The following SYBU variants were observed in gnomAD, a reference collection of about 807,000 sequenced individuals.
The protein encoded by SYBU is syntabulin, also known as GOLSYN A protein.
A neutral mutation model predicts 35.9 loss-of-function variants in SYBU; 21 were observed. The observed-to-expected ratio is 0.58, with a 90% CI of 0.41 to 0.84. The LOEUF (loss-of-function observed/expected upper bound fraction) is 0.84, where lower values mean the gene tolerates loss of function less well. SYBU is among the 40% of genes least tolerant of loss of function. The pLI is 0.00. For missense variants in SYBU, 768 were observed against 848.2 expected (o/e 0.91, Z 1.17); for synonymous variants, 319 against 324.3 (o/e 0.98, Z 0.18).
At chr8:109,661,887 C>T (rs1816576038) in intron 1 of SYBU, among the ~76,000 whole-genome samples, 1 of 152,178 alleles carries the variant, frequency 6.6e-6, no homozygotes, top group Admixed American at 6.5e-5. Flanking sequence ...TTCTGTACCT[C>T]TGTTAGGTTC....
Position 109,579,834 on chromosome 8 carries a change from G to C in SYBU, c.699C>G (p.Gly233=). 1 of 1,613,688 alleles carries C rather than the reference G, an allele frequency of 6.2e-7. No individual in the cohort carries two copies. Among genetic ancestry groups the C allele is most frequent in the Non-Finnish European group, 8.5e-7 (1 of 1,179,740 alleles). Residue 233 remains glycine, a synonymous_variant, in exon 5 of 7, where the codon GGC becomes GGG. Coordinates refer to ENST00000276646, the MANE Select transcript of SYBU (RefSeq NM_001099754.2). ...APSSPSSSNS[G]SYKGSDCSPI... ...GGCTACAGTCGCTTCCTTTGTAGGAGCCTGAGTTGCTACTGCTTGGGGAAG... is the reference window on the plus strand; with the variant it reads ...GGCTACAGTCGCTTCCTTTGTAGGACCCTGAGTTGCTACTGCTTGGGGAAG...
chr8:109,658,954 TA>T (rs34987559), intron 1 of SYBU, among the ~76,000 whole-genome samples: 13,531 of 145,626 alleles, frequency 0.093, 861 homozygotes, highest in East Asian at 0.32. Flanking sequence ...AGACTCTGCC[TA>T]AAAAAAAAAA....
chr8:109,597,942 G>C (rs998447980), intron 3 of SYBU, among the ~76,000 whole-genome samples: 2 of 152,220 alleles, frequency 1.3e-5, no homozygotes, highest in Admixed American at 1.3e-4. Flanking sequence ...ATGTTTCCCA[G>C]GTGGTGCTGA....
At chr8:109,678,232 AC>A (rs1369157213) in intron 1 of SYBU, among the ~76,000 whole-genome samples, 2 of 151,178 alleles carry the variant, frequency 1.3e-5, no homozygotes, top group African/African-American at 2.4e-5. Flanking sequence ...TTTAAAGTTT[AC>A]TTTTCCAGAG....
chr8:109,691,399 C>T lies in SYBU; in HGVS notation c.-124G>A. On this transcript the variant is annotated 5_prime_UTR_variant, in exon 1 of 8. Coordinates refer to the SYBU transcript ENST00000422135. This position sits in a 1 kb window ranked among gnomAD's most constrained non-coding sequence, Gnocchi z 4.7. ...AGGCACCTACGTGCGCCCGGGAGACCGGGCCCCGGCTGGGCCGGGTGCCGG... is the reference window on the plus strand; with the variant it reads ...AGGCACCTACGTGCGCCCGGGAGACTGGGCCCCGGCTGGGCCGGGTGCCGG... 1 of 689,904 alleles carries T rather than the reference C, an allele frequency of 1.4e-6. No homozygotes were observed. The highest frequency in any genetic ancestry group is 2.6e-6 in the Non-Finnish European group (1 of 379,762). The allele number at this position is 689,904 out of a possible 1,614,324, so 42.7% of individuals were successfully genotyped here.
chr8:109,589,649 C>A (rs1586755384), intron 3 of SYBU, among the ~76,000 whole-genome samples: 1 of 152,070 alleles, frequency 6.6e-6, no homozygotes, highest in Admixed American at 6.5e-5. Flanking sequence ...TTATTTATAA[C>A]GTTAGGATAA....
chr8:109,638,072 C>G (rs1362855297), intron 2 of SYBU, among the ~76,000 whole-genome samples: 1 of 152,208 alleles, frequency 6.6e-6, no homozygotes, highest in Non-Finnish European at 1.5e-5. Context: ...ATGAAAATAA[C>G]TCAGATAAAT....
At chr8:109,614,353 T>C (rs1811504653) in intron 3 of SYBU, among the ~76,000 whole-genome samples, 1 of 152,248 alleles carries the variant, frequency 6.6e-6, no homozygotes, top group African/African-American at 2.4e-5. Flanking sequence ...CTTTCATTTC[T>C]GGGTAGAAAC....
At chr8:109,654,535 T>C (rs1489297432) in intron 1 of SYBU, among the ~76,000 whole-genome samples, 4 of 152,240 alleles carry the variant, frequency 2.6e-5, no homozygotes, top group African/African-American at 7.2e-5. Flanking sequence ...TTTTATTCTT[T>C]CATCCATCCT....
chr8:109,590,014 A>AC (rs1011364296), intron 3 of SYBU, among the ~76,000 whole-genome samples: 11 of 151,602 alleles, frequency 7.3e-5, no homozygotes, highest in African/African-American at 2.7e-4. Context: ...AAAAAAAAAA[A>AC]CCCACCTAGT....
intron 1 of SYBU, among the ~76,000 whole-genome samples, chr8:109,672,145 C>T (rs1817005433): frequency 6.6e-6 from 1 of 152,162 alleles, no homozygotes; most frequent in South Asian, 2.1e-4. Context: ...AGGTGATCCA[C>T]CTGGTTTGGC....
Position 109,575,407 on chromosome 8 carries a change from T to G in SYBU, c.1491A>C (p.Pro497=). The G allele has an allele frequency of 1.2e-6, 2 of 1,614,074 alleles. No homozygotes were observed. ...AVQTDVVPYS[P]AISELIQSVL... ...CACTCTGAATGAGCTCTGAGATGGC[T>G]GGGCTGTAGGGCACCACGTCGGTCT... The change falls in exon 7 of 7, where the codon CCA becomes CCC. Residue 497 remains proline (P), a synonymous_variant. Coordinates refer to ENST00000276646, the MANE Select transcript of SYBU (RefSeq NM_001099754.2).
chr8:109,654,300 G>T (rs1300188814), intron 1 of SYBU, among the ~76,000 whole-genome samples: 1 of 152,072 alleles, frequency 6.6e-6, no homozygotes, highest in Non-Finnish European at 1.5e-5. Flanking sequence ...CTACCAAATA[G>T]CTCTTGCTCA....
chr8:109,627,198 T>C (rs1465027281), intron 2 of SYBU, among the ~76,000 whole-genome samples: 1 of 152,224 alleles, frequency 6.6e-6, no homozygotes, highest in Non-Finnish European at 1.5e-5. Context: ...TTTTAAACTA[T>C]ATGGAAATCT....
intron 2 of SYBU, among the ~76,000 whole-genome samples, chr8:109,619,343 C>A (rs1314432403): frequency 1.3e-5 from 2 of 152,054 alleles, no homozygotes; most frequent in Non-Finnish European, 2.9e-5. Flanking sequence ...CGTGCCTCAG[C>A]CTCCCAAGTA....
chr8:109,598,179 T>C (rs566387879), intron 3 of SYBU, among the ~76,000 whole-genome samples: 4 of 152,362 alleles, frequency 2.6e-5, no homozygotes, highest in Non-Finnish European at 5.9e-5. Context: ...GCTTCCTGAA[T>C]GGCTGCCTCT....
At chr8:109,653,057 T>C (rs1258723803) in intron 1 of SYBU, among the ~76,000 whole-genome samples, 1 of 152,168 alleles carries the variant, frequency 6.6e-6, no homozygotes, top group Non-Finnish European at 1.5e-5. Flanking sequence ...CTTCCTCAAT[T>C]CACAATGACC....
chr8:109,630,383 C>T (rs892326144), intron 2 of SYBU, among the ~76,000 whole-genome samples: 4 of 150,740 alleles, frequency 2.7e-5, no homozygotes, highest in Non-Finnish European at 5.9e-5. Context: ...TGTAACTAAC[C>T]TGCACAATGT....
At chr8:109,586,781 C>A (rs1228236043) in intron 3 of SYBU, among the ~76,000 whole-genome samples, 1 of 152,120 alleles carries the variant, frequency 6.6e-6, no homozygotes, top group East Asian at 1.9e-4. Context: ...GTGATAGAAC[C>A]TGTAAATTAC....
Sources: gnomAD v4.1 joint callset for allele counts (sites outside exome capture counted in the v4.1 genomes callset) on GRCh38, gnomAD v4.1.1 for gene constraint, Gnocchi (gnomAD v3.1) non-coding constraint, MANE v1.5 for transcripts, NCBI Gene and HGNC (gene_info 2026-07-23, HGNC 2026-07-21) for gene names.